Variants in EPB41 observed in about 807,000 individuals in gnomAD.
The protein encoded by EPB41 is protein 4.1.
Under a neutral mutation model 108.0 loss-of-function variants are expected in EPB41, and 65 were observed. The observed-to-expected ratio is 0.60, with a 90% CI of 0.49 to 0.74. EPB41 has a LOEUF of 0.74. EPB41 is among the 30% of genes least tolerant of loss of function. The pLI, the probability that EPB41 is intolerant of heterozygous loss-of-function variation, is 0.00. For synonymous variants in EPB41, 336 were observed against 358.9 expected (o/e 0.94, Z 0.72); for missense variants, 875 against 1,037.0 (o/e 0.84, Z 2.15).
chr1:29,051,604 A>G (rs931167377), intron 11 of EPB41, among the ~76,000 whole-genome samples: 3 of 152,146 alleles, frequency 2.0e-5, no homozygotes, highest in Non-Finnish European at 4.4e-5. Context: ...TGATTAAAAT[A>G]TAAGAGTCTT....
chr1:29,000,758 T>A (rs910220645), intron 4 of EPB41, among the ~76,000 whole-genome samples: 1 of 152,178 alleles, frequency 6.6e-6, no homozygotes, highest in African/African-American at 2.4e-5. Context: ...GGGAATGGGC[T>A]ACTCTATATT....
intron 7 of EPB41, among the ~76,000 whole-genome samples, chr1:29,025,018 A>C (rs1227285533): frequency 6.6e-6 from 1 of 152,056 alleles, no homozygotes; most frequent in Non-Finnish European, 1.5e-5. Context: ...TTTACTATGC[A>C]TTGGAAAGTG....
chr1:28,999,088 T>C (rs1162933473), intron 4 of EPB41, among the ~76,000 whole-genome samples: 2 of 151,996 alleles, frequency 1.3e-5, no homozygotes, highest in African/African-American at 2.4e-5. Flanking sequence ...TCCCATGAAT[T>C]GGCGGGGTGT....
At chr1:28,985,281 C>G (rs1308450532) in intron 1 of EPB41, among the ~76,000 whole-genome samples, 2 of 151,724 alleles carry the variant, frequency 1.3e-5, no homozygotes, top group African/African-American at 4.8e-5. Context: ...TTTATTAATA[C>G]CTATTATGTG....
intron 2 of EPB41, among the ~76,000 whole-genome samples, chr1:28,988,367 A>AT (rs893456416): frequency 1.7e-4 from 26 of 149,390 alleles, no homozygotes; most frequent in East Asian, 3.9e-4. Flanking sequence ...TTTCTACTCT[A>AT]TTTTTTTTTT....
rs1250392277 is a variant in EPB41 at position 29,011,854 on chromosome 1, C to T, written c.787-11C>T. Reference sequence around the variant, plus strand: ...GGAGCTCTGTGTGAATGCCTTTTCTCCTTTTTACAGACATGGCTGGATTCC... The same window carrying T: ...GGAGCTCTGTGTGAATGCCTTTTCTTCTTTTTACAGACATGGCTGGATTCC... On this transcript the variant is annotated splice_polypyrimidine_tract_variant and intron_variant, in intron 4 of 20. Transcript: ENST00000343067. 6.8e-6 allele frequency: 11 copies of T among 1,614,062 alleles called. No individual in the cohort carries two copies. Among genetic ancestry groups the T allele is most frequent in the Non-Finnish European group, 9.3e-6 (11 of 1,179,944 alleles).
intron 11 of EPB41, among the ~76,000 whole-genome samples, chr1:29,050,324 A>G (rs1346918003): frequency 6.6e-6 from 1 of 152,268 alleles, no homozygotes; most frequent in Admixed American, 6.5e-5. Flanking sequence ...AATGCTGAAG[A>G]CATAAATCAT....
chr1:28,960,724 G>A (rs548777858), intron 1 of EPB41, among the ~76,000 whole-genome samples: 8 of 144,238 alleles, frequency 5.5e-5, no homozygotes, highest in East Asian at 2.1e-4. Context: ...AGATCCTGTC[G>A]CAAAAAAATT....
chr1:29,112,849 T>C (rs1243675885), intron 19 of EPB41, among the ~76,000 whole-genome samples: 2 of 152,042 alleles, frequency 1.3e-5, no homozygotes, highest in African/African-American at 4.8e-5. Context: ...AATGGAGCTA[T>C]TGTTATTCCG....
chr1:29,034,973 G>GTTTT (rs10580931), intron 9 of EPB41, among the ~76,000 whole-genome samples: 40 of 87,178 alleles, frequency 4.6e-4, no homozygotes, highest in South Asian at 5.2e-4. Context: ...TTTGTTTGTT[G>GTTTT]TTTTTTTTTT....
chr1:29,029,256 C>T lies in EPB41; in HGVS notation c.1125-1144C>T, dbSNP rs567891922. On this transcript the variant is annotated intron_variant, in intron 7 of 20. Coordinates refer to ENST00000343067, the MANE Select transcript of EPB41 (RefSeq NM_001376013.1). ...TTCTCCTTTTTTTAATCTTCAATTT[C>T]AGGTTCATTAATAAATAGAATTAGG... Among the ~76,000 whole-genome samples the T allele has an allele frequency of 4.6e-5, 7 of 152,064 alleles. No individual in the cohort carries two copies. The South Asian group carries it at 1.5e-3, about 32-fold the overall frequency.
At chr1:28,993,764 C>G (rs975718335) in intron 3 of EPB41, among the ~76,000 whole-genome samples, 1 of 147,464 alleles carries the variant, frequency 6.8e-6, no homozygotes, top group Non-Finnish European at 1.5e-5. Flanking sequence ...TCAAGTGATT[C>G]TCCTGTCTCA....
intron 1 of EPB41, among the ~76,000 whole-genome samples, chr1:28,948,316 A>G (rs1019935569): frequency 3.3e-5 from 5 of 151,840 alleles, no homozygotes; most frequent in Non-Finnish European, 5.9e-5. Flanking sequence ...GATCGAGACC[A>G]CGGTGAAACC....
At chr1:29,043,247 A>G (rs2150515941) in intron 11 of EPB41, among the ~76,000 whole-genome samples, 1 of 152,346 alleles carries the variant, frequency 6.6e-6, no homozygotes, top group East Asian at 1.9e-4. Flanking sequence ...GTCCAATCTA[A>G]TTTAGAAGGC....
At chr1:28,907,470 T>C (rs2091928168) in intron 1 of EPB41, among the ~76,000 whole-genome samples, 1 of 152,082 alleles carries the variant, frequency 6.6e-6, no homozygotes, top group African/African-American at 2.4e-5. Context: ...AGCGCTGGGA[T>C]TACATTACCC....
intron 16 of EPB41, among the ~76,000 whole-genome samples, chr1:29,094,035 G>A (rs530984390): frequency 6.6e-6 from 1 of 152,240 alleles, no homozygotes; most frequent in Non-Finnish European, 1.5e-5. Context: ...TTTGTATATG[G>A]TATAAGGAAG....
At chr1:28,897,544 TGTAG>T (rs1054908133) in intron 1 of EPB41, among the ~76,000 whole-genome samples, 1 of 146,494 alleles carries the variant, frequency 6.8e-6, no homozygotes, top group African/African-American at 2.5e-5. Flanking sequence ...GTGAAACCCC[TGTAG>T]GTAGGTAGGT....
intron 1 of EPB41, among the ~76,000 whole-genome samples, chr1:28,894,752 A>G (rs1384225261): frequency 2.0e-5 from 3 of 152,084 alleles, no homozygotes; most frequent in African/African-American, 7.2e-5. Context: ...ACATATCACA[A>G]CACTTTCCCC....
chr1:29,015,883 T>C, intron 6 of EPB41, 116 bp downstream of exon 6: 1 of 709,786 alleles, frequency 1.4e-6, no homozygotes, highest in Non-Finnish European at 2.4e-6. Context: ...AGAAAAATAA[T>C]GATATTAAGT....
Sources: allele counts gnomAD v4.1 joint callset (sites outside exome capture counted in the v4.1 genomes callset), GRCh38; gene constraint gnomAD v4.1.1; transcripts MANE v1.5; gene names NCBI Gene and HGNC (gene_info 2026-07-23, HGNC 2026-07-21).